The following UNC45A variants were observed in gnomAD, a reference collection of about 807,000 sequenced individuals.
UNC45A encodes unc-45 myosin chaperone A, also known as protein unc-45 homolog A.
A neutral mutation model predicts 103.2 loss-of-function variants in UNC45A; 78 were observed. That is an observed-to-expected ratio of 0.76 (90% CI 0.63 to 0.91). The LOEUF (loss-of-function observed/expected upper bound fraction) is 0.91, where lower values mean the gene tolerates loss of function less well. Ranked by LOEUF, UNC45A falls within the 40% of genes least tolerant of loss-of-function variation. UNC45A has a pLI of 0.00. For missense variants in UNC45A, 1,193 were observed against 1,224.8 expected, an observed-to-expected ratio of 0.97 and a Z score of 0.39; for synonymous variants, 495 against 504.6, an observed-to-expected ratio of 0.98 and a Z score of 0.25.
chr15:90,949,201 G>C (rs2036751496), intron 13 of UNC45A, 115 bp from the exon 14 acceptor site: 2 of 1,438,544 alleles, frequency 1.4e-6, no homozygotes, highest in Non-Finnish European at 1.9e-6. Flanking sequence ...AAGCCAGTTT[G>C]TTTCCTTTTG....
chr15:90,951,720 C>A (rs1055953205), intron 17 of UNC45A, among the ~76,000 whole-genome samples: 3 of 152,126 alleles, frequency 2.0e-5, no homozygotes, highest in Non-Finnish European at 2.9e-5. Flanking sequence ...GTGTAACAAA[C>A]CTGCACGTCC....
intron 16 of UNC45A, 79 bp from the exon 17 acceptor site, chr15:90,950,421 G>T: frequency 6.6e-7 from 1 of 1,515,420 alleles, no homozygotes; most frequent in South Asian, 1.2e-5. Flanking sequence ...TCTCTTGGGG[G>T]TGGGCTTCTC....
At chr15:90,945,287 A>T (rs933903224) in intron 9 of UNC45A, among the ~76,000 whole-genome samples, 1 of 152,118 alleles carries the variant, frequency 6.6e-6, no homozygotes, top group South Asian at 2.1e-4. Context: ...AATGCAACAA[A>T]CGCCATCAAG....
chr15:90,933,208 A>G (rs1273335590), upstream of UNC45A: 1 of 152,308 alleles, frequency 6.6e-6, no homozygotes, highest in Admixed American at 6.5e-5. Context: ...TCAGTGTTGC[A>G]GATGAAATTT....
chr15:90,949,793 G>A (rs967277841), intron 15 of UNC45A, 73 bp downstream of exon 15: 11 of 1,458,152 alleles, frequency 7.5e-6, no homozygotes, highest in East Asian at 2.3e-5. Context: ...CAGCTGCCAC[G>A]CCAGAGCTGG....
chr15:90,944,650 C>T (rs542948067), intron 8 of UNC45A, among the ~76,000 whole-genome samples: 1 of 152,106 alleles, frequency 6.6e-6, no homozygotes, highest in African/African-American at 2.4e-5. Context: ...AGCTCCAGAG[C>T]GTTTGGCCCC....
chr15:90,935,919 C>T, intron 2 of UNC45A, 27 bp from the exon 3 acceptor site: 3 of 1,614,000 alleles, frequency 1.9e-6, no homozygotes, highest in South Asian at 1.1e-5. Context: ...ATGACCATTC[C>T]TTCAGGCTCC....
intron 4 of UNC45A, among the ~76,000 whole-genome samples, chr15:90,936,757 G>C (rs142539523): frequency 4.6e-5 from 7 of 152,312 alleles, no homozygotes; most frequent in Non-Finnish European, 7.3e-5. Flanking sequence ...AGCTCTTTTC[G>C]AGAGTACTTT....
At chr15:90,950,408 T>A (rs2036835457) in intron 16 of UNC45A, 92 bp from the exon 17 acceptor site, 3 of 1,480,822 alleles carry the variant, frequency 2.0e-6, no homozygotes, top group Non-Finnish European at 2.8e-6. Flanking sequence ...GAGACAGCAG[T>A]ACTCTCTTGG....
chr15:90,943,322 C>T (rs545743108), intron 8 of UNC45A, among the ~76,000 whole-genome samples: 18 of 150,736 alleles, frequency 1.2e-4, no homozygotes, highest in African/African-American at 4.2e-4. Flanking sequence ...CTAGCTACTC[C>T]AGAGGCTGAG....
chr15:90,946,992 C>G (rs1038516976), intron 10 of UNC45A, 78 bp downstream of exon 10: 6 of 1,500,204 alleles, frequency 4.0e-6, no homozygotes, highest in African/African-American at 1.4e-5. Context: ...AGGGTGTGGC[C>G]CCAGCACACT....
At chr15:90,945,301 G>T in intron 9 of UNC45A, among the ~76,000 whole-genome samples, 1 of 152,170 alleles carries the variant, frequency 6.6e-6, no homozygotes. Flanking sequence ...CATCAAGCAC[G>T]TACTGGGTTT....
chr15:90,940,312 C>CA lies in UNC45A; in HGVS notation c.527dup (p.Asn177GlufsTer19). Reference sequence around the variant, plus strand: ...TGTGCTTCCTTTGACGCAGGCTTCTCAGAACCTGGTGGTGCTGGCCAGGGA... The same window carrying CA: ...TGTGCTTCCTTTGACGCAGGCTTCTCAAGAACCTGGTGGTGCTGGCCAGGGA... On this transcript the variant is annotated frameshift_variant, in exon 6 of 20. Transcript: ENST00000418476. LOFTEE classifies it high-confidence loss of function. The CA allele has an allele frequency of 1.9e-6, 3 of 1,612,798 alleles. No homozygotes were observed. The highest frequency in any genetic ancestry group is 2.5e-6 in the Non-Finnish European group (3 of 1,179,288).
At position 90,940,300 on chromosome 15, in the gene UNC45A, A is replaced by T. The variant is rs2036225850; in HGVS notation, c.520-6A>T. 1 of 1,611,202 alleles carries T rather than the reference A, an allele frequency of 6.2e-7. No individual in the cohort carries two copies. The highest frequency in any genetic ancestry group is 8.5e-7 in the Non-Finnish European group (1 of 1,178,354). On this transcript the variant is annotated splice_polypyrimidine_tract_variant and splice_region_variant and intron_variant, in intron 5 of 19. Coordinates refer to ENST00000418476, the MANE Select transcript of UNC45A (RefSeq NM_018671.5). ...TCAACATTATAATGTGCTTCCTTTG[A>T]CGCAGGCTTCTCAGAACCTGGTGGT...
At chr15:90,935,191 T>C, upstream of UNC45A, 1 of 903,948 alleles carries the variant, frequency 1.1e-6, no homozygotes. Flanking sequence ...GCGCGCTCCC[T>C]CCTTAGCCCT....
intron 10 of UNC45A, 193 bp downstream of exon 10, chr15:90,947,107 T>C (rs1301122734): frequency 6.2e-6 from 4 of 640,554 alleles, no homozygotes; most frequent in South Asian, 6.1e-5. Context: ...GAGGATCACT[T>C]GAGCTCAGGA....
chr15:90,947,741 G>A (rs2036645641), intron 10 of UNC45A, 55 bp from the exon 11 acceptor site: 1 of 1,372,810 alleles, frequency 7.3e-7, no homozygotes, highest in South Asian at 1.2e-5. Flanking sequence ...GTGTGGAGGA[G>A]CTCAGCTCCT....
chr15:90,945,007 C>T lies in UNC45A; in HGVS notation c.1143C>T (p.Asp381=). 1.9e-6 allele frequency: 3 copies of T among 1,613,006 alleles called. No homozygotes were observed. Among genetic ancestry groups the T allele is most frequent in the Middle Eastern group, 1.9e-4 (1 of 5,188 alleles). ...TTCTCCTCAGCAAGCTCTTTGATGA[C>T]CTCAAGTGTGATGCGGAGAGGGAGA... ...ASILLSKLFD[D]LKCDAERENF... The change falls in exon 9 of 20, where the codon GAC becomes GAT. Residue 381 remains aspartate (D), a synonymous_variant. Coordinates refer to ENST00000418476, the MANE Select transcript of UNC45A (RefSeq NM_018671.5).
intron 9 of UNC45A, among the ~76,000 whole-genome samples, chr15:90,945,317 ACACTT>A (rs2036507800): frequency 6.6e-6 from 1 of 151,968 alleles, no homozygotes; most frequent in South Asian, 2.1e-4. Context: ...GGTTTACCAA[ACACTT>A]CCTACGCTTC....
Sources: allele counts gnomAD v4.1 joint callset (sites outside exome capture counted in the v4.1 genomes callset), GRCh38; gene constraint gnomAD v4.1.1; transcripts MANE v1.5; gene names NCBI Gene and HGNC (gene_info 2026-07-23, HGNC 2026-07-21).